The following PTGDS variants were observed in gnomAD, a reference collection of about 807,000 sequenced individuals.
PTGDS encodes prostaglandin D2 synthase, also known as prostaglandin-H2 D-isomerase.
Under a neutral mutation model 28.4 loss-of-function variants are expected in PTGDS, and 21 were observed. The ratio of observed to expected loss-of-function variants is 0.74; its 90% CI spans 0.52 to 1.07. The LOEUF (loss-of-function observed/expected upper bound fraction) is 1.07. Among genes scored for constraint, PTGDS ranks in the 50% least tolerant of loss-of-function variants. The probability of loss-of-function intolerance (pLI) is 0.00; values close to 1 mark genes in which losing one functional copy is unlikely to be tolerated. For synonymous variants in PTGDS, 102 were observed against 106.0 expected, an observed-to-expected ratio of 0.96 and a Z score of 0.23; for missense variants, 243 against 247.7, an observed-to-expected ratio of 0.98 and a Z score of 0.13.
chr9:136,978,966 G>A (rs772102415), intron 1 of PTGDS, 27 bp from the exon 2 acceptor site: 2 of 1,600,936 alleles, frequency 1.2e-6, no homozygotes, highest in South Asian at 1.1e-5. Flanking sequence ...GGTCCTGGCC[G>A]ACGCGGGTGG....
At position 136,977,583 on chromosome 9, in the gene PTGDS, C is replaced by T; in HGVS notation, c.5C>T (p.Ala2Val). Residue 2 changes from alanine to valine, a missense_variant, in exon 1 of 7, where the codon GCT (alanine) becomes GTT (valine). By Grantham distance (64) the Ala-to-Val change is moderately conservative. Coordinates refer to ENST00000371625, the MANE Select transcript of PTGDS (RefSeq NM_000954.6). Reference sequence around the variant, plus strand: ...CACCCGCTCTGCTGCAGGAGAATGGCTACTCATCACACACTGTGGATGGGA... The same window carrying T: ...CACCCGCTCTGCTGCAGGAGAATGGTTACTCATCACACACTGTGGATGGGA... The part of the protein sequence containing the change: M[A>V]THHTLWMGLA... 2 of 1,595,658 alleles carry T rather than the reference C, an allele frequency of 1.3e-6. No individual in the cohort carries two copies. The highest frequency in any genetic ancestry group is 1.7e-6 in the Non-Finnish European group (2 of 1,171,970).
At chr9:136,981,016 A>C in intron 6 of PTGDS, 161 bp downstream of exon 6, 1 of 1,061,710 alleles carries the variant, frequency 9.4e-7, no homozygotes, top group Non-Finnish European at 1.3e-6. Context: ...GGCGGGAGAC[A>C]CTGGGGCTGC....
In PTGDS at chr9:136,980,844, A is replaced by G. The variant is rs770634971; in HGVS notation, c.562A>G (p.Thr188Ala). 2 of 1,611,872 alleles carry G rather than the reference A, an allele frequency of 1.2e-6. No individual in the cohort carries two copies. The highest frequency in any genetic ancestry group is 2.7e-5 in the African/African-American group (2 of 74,608). The change falls in exon 6 of 7, where the codon ACG (threonine) becomes GCG (alanine). Residue 188 changes from threonine (T) to alanine (A), a missense_variant. Physicochemically the swap from Thr to Ala is moderately conservative, Grantham distance 58 (BLOSUM62 0). Transcript: ENST00000371625. ...TTCTTTCTTGGCAGATAAGTGCATG[A>G]CGGAACAATAGGTGAGCCACTCCAT... ...VFLPQTDKCMTEQ is the reference protein window; with the variant it reads ...VFLPQTDKCMAEQ
chr9:136,977,773 TG>T, intron 1 of PTGDS, 81 bp downstream of exon 1: 1 of 1,276,882 alleles, frequency 7.8e-7, no homozygotes, highest in Non-Finnish European at 1.1e-6. Context: ...GTCTTCCCCC[TG>T]GGAGGAGTGA....
intron 3 of PTGDS, 114 bp from the exon 4 acceptor site, chr9:136,979,832 C>A: frequency 2.0e-6 from 2 of 1,018,926 alleles, no homozygotes; most frequent in Non-Finnish European, 3.1e-6. Flanking sequence ...GGGAGCATCC[C>A]GGGCCAGCCG....
At chr9:136,977,733 CCT>C (rs1488258420) in intron 1 of PTGDS, 41 bp downstream of exon 1, 2 of 1,494,060 alleles carry the variant, frequency 1.3e-6, no homozygotes, top group South Asian at 1.2e-5. Context: ...GCTACAGGAC[CCT>C]GTCAGGGGAA....
intron 1 of PTGDS, 101 bp from the exon 2 acceptor site, chr9:136,978,892 G>C (rs1830414074): frequency 6.6e-7 from 1 of 1,518,562 alleles, no homozygotes; most frequent in South Asian, 1.2e-5. Context: ...GGCGGGGCCG[G>C]GTTGGAGACC....
chr9:136,980,091 G>T, intron 4 of PTGDS, 29 bp downstream of exon 4: 2 of 1,606,182 alleles, frequency 1.2e-6, no homozygotes, highest in Middle Eastern at 1.7e-4. Flanking sequence ...CCGCCCACAC[G>T]CAGGCCTGAC....
At chr9:136,980,568 G>A in intron 5 of PTGDS, 1 of 1,240,720 alleles carries the variant, frequency 8.1e-7, no homozygotes, top group East Asian at 2.6e-5. Context: ...AGGGTAGAGG[G>A]TGCCCATGGG....
Position 136,977,549 on chromosome 9 carries a change from G to A in PTGDS, c.-30G>A, listed in dbSNP as rs1341742603. On this transcript the variant is annotated 5_prime_UTR_variant, in exon 1 of 7. Transcript: ENST00000371625. ...TCGCTCTCCCACACCACTGGCACCAGGCCCCGGACACCCGCTCTGCTGCAG... is the reference window on the plus strand; with the variant it reads ...TCGCTCTCCCACACCACTGGCACCAAGCCCCGGACACCCGCTCTGCTGCAG... The A allele has an allele frequency of 2.0e-6, 3 of 1,526,070 alleles. No homozygotes were observed. The highest frequency in any genetic ancestry group is 2.4e-5 in the East Asian group (1 of 42,400). 94.5% of individuals were successfully genotyped at this position (1,526,070 alleles called of 1,614,324 possible). A position where few individuals can be genotyped will look rare whatever the true frequency, so the allele number is the denominator to read the frequency against.
chr9:136,979,395 G>T (rs1358441237), intron 3 of PTGDS, 96 bp downstream of exon 3: 2 of 1,575,714 alleles, frequency 1.3e-6, no homozygotes, highest in South Asian at 2.3e-5. Context: ...GATCCATGGG[G>T]TGGGAGGTGA....
intron 1 of PTGDS, 126 bp downstream of exon 1, chr9:136,977,818 G>A: frequency 1.1e-6 from 1 of 892,152 alleles, no homozygotes. Context: ...GTGCCGGCCA[G>A]GGACTGAGCG....
At chr9:136,979,633 T>C in intron 3 of PTGDS, 1 of 646,144 alleles carries the variant, frequency 1.5e-6, no homozygotes, top group Non-Finnish European at 2.6e-6. Context: ...ACCCAGGGGT[T>C]TCCTCACTCC....
At chr9:136,979,816 G>A (rs1236737973) in intron 3 of PTGDS, 130 bp from the exon 4 acceptor site, 13 of 867,716 alleles carry the variant, frequency 1.5e-5, no homozygotes, top group African/African-American at 4.9e-5. Context: ...GAGAGCAGCC[G>A]GGTGGGGGAG....
chr9:136,979,093 C>T lies in PTGDS; in HGVS notation c.215C>T (p.Ala72Val). ...LSMCKSVVAP[A>V]TDGGLNLTST... ...ATGTGCAAGTCTGTGGTGGCCCCTG[C>T]CACGGATGGTGGCCTCAACCTGACC... Residue 72 changes from alanine (A) to valine (V), a missense_variant, in exon 2 of 7, where the codon GCC becomes GTC. Physicochemically the swap from Ala to Val is moderately conservative, Grantham distance 64. Coordinates refer to ENST00000371625, the MANE Select transcript of PTGDS (RefSeq NM_000954.6). 6.2e-7 allele frequency: 1 copy of T among 1,611,406 alleles called. No individual in the cohort carries two copies. The highest frequency in any genetic ancestry group is 8.5e-7 in the Non-Finnish European group (1 of 1,179,092).
chr9:136,980,978 C>G (rs1286405860), intron 6 of PTGDS, 123 bp downstream of exon 6: 1 of 1,368,710 alleles, frequency 7.3e-7, no homozygotes, highest in Non-Finnish European at 9.8e-7. Context: ...GCAGACCCAT[C>G]CTTCCCGATG....
Position 136,980,178 on chromosome 9 carries a change from C to T in PTGDS, c.449-5C>T. 1 of 1,613,626 alleles carries T rather than the reference C, an allele frequency of 6.2e-7. No individual in the cohort carries two copies. The highest frequency in any genetic ancestry group is 1.1e-5 in the South Asian group (1 of 91,074). Reference sequence around the variant, plus strand: ...GAGGCCAGCTCCGTCTCCACCCTGTCCCAGGCCGAACCCAGACCCCCAGGG... The same window carrying T: ...GAGGCCAGCTCCGTCTCCACCCTGTTCCAGGCCGAACCCAGACCCCCAGGG... On this transcript the variant is annotated splice_region_variant and splice_polypyrimidine_tract_variant and intron_variant, in intron 4 of 6. Transcript: ENST00000371625.
chr9:136,978,935 T>C, intron 1 of PTGDS, 58 bp from the exon 2 acceptor site: 2 of 1,586,300 alleles, frequency 1.3e-6, no homozygotes, highest in Non-Finnish European at 1.7e-6. Context: ...CCCCCGCAGG[T>C]AGGCGCAGGT....
intron 1 of PTGDS, 147 bp from the exon 2 acceptor site, chr9:136,978,846 G>T (rs766717064): frequency 3.4e-6 from 4 of 1,177,290 alleles, no homozygotes; most frequent in Admixed American, 4.1e-5. Flanking sequence ...GGGGCGGGGC[G>T]TGAGGGGCGT....
Sources: allele counts gnomAD v4.1 joint callset, GRCh38; gene constraint gnomAD v4.1.1; transcripts MANE v1.5; gene names NCBI Gene and HGNC (gene_info 2026-07-23, HGNC 2026-07-21).